SGCD: variants seen among roughly 807,000 people sequenced by gnomAD.
SGCD encodes the protein sarcoglycan delta.
In SGCD, 18 loss-of-function variants were observed where a neutral mutation model predicts 36.6. The observed-to-expected ratio is 0.49, with a 90% CI of 0.34 to 0.73. SGCD has a LOEUF of 0.73. SGCD is among the 30% of genes least tolerant of loss of function. SGCD has a pLI of 0.01. For missense variants in SGCD, 387 were observed against 346.7 expected (o/e 1.12, Z -0.92); for synonymous variants, 133 against 130.6 (o/e 1.02, Z -0.12).
intron 3 of SGCD, among the ~76,000 whole-genome samples, chr5:156,213,045 A>G (rs77357980): frequency 0.035 from 5,319 of 152,140 alleles, 294 homozygotes; most frequent in African/African-American, 0.12. Context: ...ACATCAAAAA[A>G]GAAAAAATGT....
intron 4 of SGCD, among the ~76,000 whole-genome samples, chr5:156,526,884 C>T (rs563074961): frequency 8.5e-5 from 13 of 152,222 alleles, no homozygotes; most frequent in Admixed American, 6.5e-4. Context: ...ATTGACTGTG[C>T]GTGCTTTTCT....
chr5:156,477,172 A>G lies in SGCD; in HGVS notation c.193-31429A>G, dbSNP rs1382541987. On this transcript the variant is annotated intron_variant, in intron 3 of 8. Transcript: ENST00000337851. Reference sequence around the variant, plus strand: ...TGTTGTTATGTTTAAGGAATCCTTTAGTATTGTCGAGCCCCATTGAGTAGA... The same window carrying G: ...TGTTGTTATGTTTAAGGAATCCTTTGGTATTGTCGAGCCCCATTGAGTAGA... 2.0e-5 allele frequency among the ~76,000 whole-genome samples: 3 copies of G among 152,312 alleles called. 1 individual carries two copies. The East Asian group carries it at 5.8e-4, about 29-fold the overall frequency.
At chr5:156,353,616 A>G (rs1050701969) in intron 3 of SGCD, among the ~76,000 whole-genome samples, 5 of 152,226 alleles carry the variant, frequency 3.3e-5, no homozygotes, top group Non-Finnish European at 7.3e-5. Flanking sequence ...ATCCGCTTCA[A>G]TGCGGGTGCC....
At chr5:156,718,564 G>A (rs1056386179) in intron 7 of SGCD, among the ~76,000 whole-genome samples, 15 of 151,982 alleles carry the variant, frequency 9.9e-5, no homozygotes, top group Non-Finnish European at 2.1e-4. Flanking sequence ...TGGATCACTG[G>A]AGCCCAGGAG....
intron 1 of SGCD, among the ~76,000 whole-genome samples, chr5:156,054,972 A>G (rs199574343): frequency 0.027 from 3,888 of 146,230 alleles, 387 homozygotes; most frequent in African/African-American, 0.09. Context: ...CATTCAGTTT[A>G]TAGGTGTGGT....
At chr5:155,768,937 T>C in the SGCD span, among the ~76,000 whole-genome samples, 5 of 152,164 alleles carry the variant, frequency 3.3e-5, no homozygotes, top group African/African-American at 1.2e-4. Flanking sequence ...GACAACCAAA[T>C]TGCTGCAACA....
chr5:156,089,106 G>T (rs1185355093), intron 1 of SGCD, among the ~76,000 whole-genome samples: 2 of 152,202 alleles, frequency 1.3e-5, no homozygotes, highest in Non-Finnish European at 2.9e-5. Context: ...ACATAGTAAT[G>T]TCTGTTCTAA....
Position 156,236,837 on chromosome 5 carries a change from A to AT in SGCD, c.-43-92681dup, listed in dbSNP as rs571943122. Among the ~76,000 whole-genome samples the AT allele has an allele frequency of 2.3e-3, 328 of 139,818 alleles. 2 individuals are homozygous for AT. Among genetic ancestry groups the AT allele is most frequent in the East Asian group, 0.01 (49 of 4,722 alleles). The allele number at this position is 139,818 out of a possible 152,430, so 91.7% of individuals were successfully genotyped here. On this transcript the variant is annotated intron_variant, in intron 3 of 9. Coordinates refer to the SGCD transcript ENST00000517913. ...GTAGGGTAATGGATTGCTGAGCCAG[A>AT]TTTTTTTTTTTTTTTTAAGATAGTC...
intron 1 of SGCD, among the ~76,000 whole-genome samples, chr5:155,883,750 G>C (rs560296378): frequency 7.7e-6 from 1 of 129,610 alleles, no homozygotes; most frequent in Non-Finnish European, 1.5e-5. Context: ...AAATTGTGCC[G>C]ATAGACTTGC....
intron 1 of SGCD, among the ~76,000 whole-genome samples, chr5:156,072,112 A>G (rs536084848): frequency 6.6e-6 from 1 of 152,028 alleles, no homozygotes. Context: ...TTTTAATTGG[A>G]GCATTTAGTC....
intron 3 of SGCD, among the ~76,000 whole-genome samples, chr5:156,144,454 A>G (rs1347349957): frequency 1.3e-5 from 2 of 152,074 alleles, no homozygotes; most frequent in Non-Finnish European, 2.9e-5. Flanking sequence ...ATGGTATCTC[A>G]TTGTGGTTTT....
At chr5:156,036,773 T>C (rs75842661) in intron 1 of SGCD, among the ~76,000 whole-genome samples, 16,620 of 152,164 alleles carry the variant, frequency 0.11, 2,586 homozygotes, top group African/African-American at 0.35. Context: ...CCTGGTAGGT[T>C]CCTAAGAGTG....
At chr5:155,942,133 A>T (rs1169220762) in intron 1 of SGCD, among the ~76,000 whole-genome samples, 1 of 152,216 alleles carries the variant, frequency 6.6e-6, no homozygotes, top group African/African-American at 2.4e-5. Flanking sequence ...GTAATATAGT[A>T]TTACACATAT....
intron 1 of SGCD, among the ~76,000 whole-genome samples, chr5:156,104,600 A>T (rs1455456504): frequency 6.6e-6 from 1 of 152,208 alleles, no homozygotes; most frequent in Non-Finnish European, 1.5e-5. Context: ...TTATGCCAAT[A>T]TCCAAATGGG....
At chr5:156,589,203 A>G (rs1561798628) in intron 4 of SGCD, 28 bp from the exon 5 acceptor site, 3 of 1,445,488 alleles carry the variant, frequency 2.1e-6, no homozygotes, top group South Asian at 1.2e-5. Context: ...TATCATTTTC[A>G]TGTCTTTCTC....
chr5:156,009,011 G>T (rs536688848), intron 1 of SGCD, among the ~76,000 whole-genome samples: 1 of 152,090 alleles, frequency 6.6e-6, no homozygotes, highest in East Asian at 1.9e-4. Context: ...TTGGAATGGG[G>T]GCAGGTGTGA....
intron 7 of SGCD, among the ~76,000 whole-genome samples, chr5:156,683,357 AC>A (rs1271865467): frequency 2.0e-5 from 3 of 152,196 alleles, no homozygotes; most frequent in Non-Finnish European, 4.4e-5. Context: ...GGACAGGGTA[AC>A]TTTTCTTTCC....
At chr5:156,241,117 C>G (rs1163832301) in intron 3 of SGCD, among the ~76,000 whole-genome samples, 2 of 152,116 alleles carry the variant, frequency 1.3e-5, no homozygotes, top group Non-Finnish European at 2.9e-5. Context: ...GAAAACTTAT[C>G]CAATTACACA....
intron 7 of SGCD, among the ~76,000 whole-genome samples, chr5:156,651,218 G>A (rs564056968): frequency 3.0e-4 from 46 of 152,144 alleles, no homozygotes; most frequent in East Asian, 1.2e-3. Context: ...TTTGTTGGGT[G>A]CATAGTTTGA....
Sources: allele counts gnomAD v4.1 joint callset (sites outside exome capture counted in the v4.1 genomes callset), GRCh38; gene constraint gnomAD v4.1.1; transcripts MANE v1.5; gene names NCBI Gene and HGNC (gene_info 2026-07-23, HGNC 2026-07-21).